PHIP: variants seen among roughly 807,000 people sequenced by gnomAD.
The protein encoded by PHIP is PHIP subunit of CUL4-Ring ligase complex.
A neutral mutation model predicts 236.8 loss-of-function variants in PHIP; 54 were observed. That is an observed-to-expected ratio of 0.23 (90% CI 0.18 to 0.29). PHIP has a LOEUF of 0.29. PHIP is among the 10% of genes least tolerant of loss of function. The pLI, the probability that PHIP is intolerant of heterozygous loss-of-function variation, is 1.00. For missense variants in PHIP, 1,370 were observed against 2,190.8 expected, an observed-to-expected ratio of 0.63 and a Z score of 7.48; for synonymous variants, 756 against 718.9, an observed-to-expected ratio of 1.05 and a Z score of -0.83.
At chr6:78,970,992 C>T (rs1168199714) in intron 24 of PHIP, 104 bp from the exon 25 acceptor site, 3 of 713,368 alleles carry the variant, frequency 4.2e-6, no homozygotes, top group Admixed American at 3.3e-5. Flanking sequence ...GCCTTTTCAG[C>T]TAATAGAAAT....
In PHIP at chr6:79,059,303, T is replaced by A. The variant is rs561348811; in HGVS notation, c.439+1175A>T. On this transcript the variant is annotated intron_variant, in intron 6 of 39. Coordinates refer to ENST00000275034, the MANE Select transcript of PHIP (RefSeq NM_017934.7). ...ATTTTTCAATGTCAATAAAAGACAT[T>A]TCCAGAATCTAAGCAAGACAAATTT... Among the ~76,000 whole-genome samples the A allele has an allele frequency of 5.9e-5, 9 of 151,962 alleles. No individual in the cohort carries two copies. The South Asian group carries it at 1.9e-3, about 32-fold the overall frequency.
At chr6:79,013,205 A>T (rs1770680001) in intron 15 of PHIP, among the ~76,000 whole-genome samples, 1 of 151,750 alleles carries the variant, frequency 6.6e-6, no homozygotes, top group Non-Finnish European at 1.5e-5. Context: ...TTTTCATGAG[A>T]CCCAAAGGAG....
At chr6:78,976,056 C>T (rs1340093350) in intron 24 of PHIP, among the ~76,000 whole-genome samples, 28 of 151,950 alleles carry the variant, frequency 1.8e-4, no homozygotes, top group Non-Finnish European at 3.8e-4. Context: ...AAAAAGGGCC[C>T]GCATTGCCAA....
At position 78,995,495 on chromosome 6, in the gene PHIP, A is replaced by G. The variant is rs116753190; in HGVS notation, c.2201+1919T>C. Among the ~76,000 whole-genome samples the G allele has an allele frequency of 5.9e-3, 897 of 152,326 alleles. 4 individuals are homozygous for G. The highest frequency in any genetic ancestry group is 0.02 in the African/African-American group (827 of 41,578). ...TTTACATTCCCACTAGCAATGCATG[A>G]GTAATTCAGTTTTCTCTACATCCTC... On this transcript the variant is annotated intron_variant, in intron 19 of 39. Transcript: ENST00000275034.
chr6:78,971,933 C>T (rs554850550), intron 24 of PHIP, among the ~76,000 whole-genome samples: 3,899 of 152,228 alleles, frequency 0.026, 65 homozygotes, highest in Non-Finnish European at 0.038. Context: ...AACTGCAAGG[C>T]GGCAGCGAGG....
chr6:79,025,030 T>C (rs1582241759), intron 9 of PHIP, among the ~76,000 whole-genome samples: 1 of 152,158 alleles, frequency 6.6e-6, no homozygotes, highest in South Asian at 2.1e-4. Context: ...AAAATGTTAT[T>C]ATGGGGAGGG....
At chr6:79,021,225 C>A (rs770290201) in intron 9 of PHIP, among the ~76,000 whole-genome samples, 4 of 152,220 alleles carry the variant, frequency 2.6e-5, no homozygotes, top group Non-Finnish European at 5.9e-5. Context: ...CAGCTCACTG[C>A]AACCTCTGCC....
At position 79,077,873 on chromosome 6, in the gene PHIP, G is replaced by A; in HGVS notation, c.81C>T (p.Pro27=). ...FLIARFLEDG[P]CQQAAQVLIR... ...GCCGTACCTGAGCCGCCTGCTGACAGGGTCCATCTTCCAGGAACCGGGCGA... is the reference window on the plus strand; with the variant it reads ...GCCGTACCTGAGCCGCCTGCTGACAAGGTCCATCTTCCAGGAACCGGGCGA... Residue 27 remains proline, a synonymous_variant, in exon 2 of 40, where the codon CCC becomes CCT. Transcript: ENST00000275034. 3 of 1,569,906 alleles carry A rather than the reference G, an allele frequency of 1.9e-6. No homozygotes were observed. The highest frequency in any genetic ancestry group is 4.8e-5 in the East Asian group (2 of 41,418).
At chr6:78,992,111 C>T (rs567203693) in intron 19 of PHIP, among the ~76,000 whole-genome samples, 41 of 151,446 alleles carry the variant, frequency 2.7e-4, no homozygotes, top group Non-Finnish European at 4.9e-4. Flanking sequence ...TACATGCGTC[C>T]GCCACCTCGC....
chr6:79,014,995 A>T, intron 15 of PHIP, 87 bp downstream of exon 15: 1 of 1,065,432 alleles, frequency 9.4e-7, no homozygotes, highest in East Asian at 2.4e-5. Context: ...CAATTTTTAA[A>T]TGGATTTCCT....
At chr6:79,047,500 G>T (rs981986688) in intron 6 of PHIP, among the ~76,000 whole-genome samples, 1 of 152,126 alleles carries the variant, frequency 6.6e-6, no homozygotes, top group African/African-American at 2.4e-5. Flanking sequence ...CTCAAAAACA[G>T]CATTTTAACA....
intron 4 of PHIP, among the ~76,000 whole-genome samples, chr6:79,072,419 C>G (rs1408582913): frequency 6.6e-6 from 1 of 152,070 alleles, no homozygotes; most frequent in Non-Finnish European, 1.5e-5. Context: ...AAACATTTTT[C>G]CTTTATTTTT....
chr6:79,071,359 A>G (rs1333920997), intron 4 of PHIP, among the ~76,000 whole-genome samples: 1 of 152,128 alleles, frequency 6.6e-6, no homozygotes, highest in Non-Finnish European at 1.5e-5. Context: ...AAATACTTAC[A>G]CTCCTCTATA....
chr6:79,060,856 A>G, intron 4 of PHIP, 38 bp from the exon 5 acceptor site: 2 of 1,360,716 alleles, frequency 1.5e-6, no homozygotes, highest in Non-Finnish European at 1.0e-6. Context: ...GTTTCAGTTT[A>G]TCATTTTAAT....
Position 78,978,610 on chromosome 6 carries a change from C to T in PHIP, c.2871G>A (p.Val957=). The T allele has an allele frequency of 6.3e-7, 1 of 1,590,312 alleles. No individual in the cohort carries two copies. Among genetic ancestry groups the T allele is most frequent in the Non-Finnish European group, 8.6e-7 (1 of 1,163,882 alleles). The part of the protein sequence containing the change: ...TDTIPRRCPF[V]PQMGDEVYYF... ...AAAGTACCTCATCACCCATCTGTGG[C>T]ACAAATGGACATCTTCGGGGAATGG... Residue 957 remains valine (V), a synonymous_variant, in exon 24 of 40, where the codon GTG becomes GTA. Transcript: ENST00000275034.
intron 7 of PHIP, among the ~76,000 whole-genome samples, chr6:79,028,185 A>T (rs1025041876): frequency 6.6e-6 from 1 of 152,132 alleles, no homozygotes; most frequent in Non-Finnish European, 1.5e-5. Flanking sequence ...AAGGATGAAA[A>T]AGTAAAAAAA....
intron 23 of PHIP, among the ~76,000 whole-genome samples, chr6:78,979,622 G>A (rs533961810): frequency 2.1e-4 from 32 of 152,102 alleles, no homozygotes; most frequent in African/African-American, 7.7e-4. Flanking sequence ...TGGTCTTGAT[G>A]TTGTTACCTT....
At position 79,001,883 on chromosome 6, in the gene PHIP, G is replaced by A. The variant is rs1770019240; in HGVS notation, c.1879+16C>T. 6 of 1,540,618 alleles carry A rather than the reference G, an allele frequency of 3.9e-6. No individual in the cohort carries two copies. In the East Asian group the frequency reaches 1.1e-4, roughly 29 times the overall value. On this transcript the variant is annotated intron_variant, in intron 17 of 39. Coordinates refer to ENST00000275034, the MANE Select transcript of PHIP (RefSeq NM_017934.7). ...GGAAGAAGAAAATTTGATTGTCTAAGAAAATGAGCACCTACCTGAGGAAGT... is the reference window on the plus strand; with the variant it reads ...GGAAGAAGAAAATTTGATTGTCTAAAAAAATGAGCACCTACCTGAGGAAGT...
intron 6 of PHIP, among the ~76,000 whole-genome samples, chr6:79,043,828 G>A (rs897774696): frequency 1.4e-5 from 2 of 143,796 alleles, no homozygotes; most frequent in African/African-American, 5.2e-5. Context: ...TCTAATACAG[G>A]CTTTTTTTTT....
Sources: gnomAD v4.1 joint callset for allele counts (sites outside exome capture counted in the v4.1 genomes callset) on GRCh38, gnomAD v4.1.1 for gene constraint, MANE v1.5 for transcripts, NCBI Gene and HGNC (gene_info 2026-07-23, HGNC 2026-07-21) for gene names.